Variants in AOC1 observed in about 807,000 individuals in gnomAD.
The protein encoded by AOC1 is amine oxidase copper containing 1.
Under a neutral mutation model 57.1 loss-of-function variants are expected in AOC1, and 58 were observed. The observed-to-expected ratio is 1.02, with a 90% CI of 0.82 to 1.26. The LOEUF (loss-of-function observed/expected upper bound fraction) is 1.26, where lower values mean the gene tolerates loss of function less well. Ranked by LOEUF, AOC1 falls within the 50% of genes most tolerant of loss-of-function variation. The pLI, the probability that AOC1 is intolerant of heterozygous loss-of-function variation, is 0.00. For missense variants in AOC1, 917 were observed against 1,005.3 expected (o/e 0.91, Z 1.19); for synonymous variants, 401 against 423.4 (o/e 0.95, Z 0.65).
In AOC1 at chr7:150,857,802, GC is replaced by G. The variant is rs759898286; in HGVS notation, c.1333del (p.Leu445Ter). ...AAGGTGGCTTCAACTTCTATGCGGG[GC>G]TGAAGGGCCAGGTGCTGGTGCTGCG... ...FKGGFNFYAG[L>X]KGQVLVLRTT... is the part of the protein sequence containing the mutation. On this transcript the variant is annotated frameshift_variant, in exon 2 of 5. Coordinates refer to ENST00000360937, the MANE Select transcript of AOC1 (RefSeq NM_001091.4). LOFTEE classifies it high-confidence loss of function. The surrounding 1 kb of genome is among the most constrained non-coding windows in gnomAD (Gnocchi z 6.6). 6.8e-6 allele frequency: 11 copies of G among 1,614,182 alleles called. No individual in the cohort carries two copies. The highest frequency in any genetic ancestry group is 8.5e-6 in the Non-Finnish European group (10 of 1,180,000).
Position 150,856,953 on chromosome 7 carries a change from C to T in AOC1, c.483C>T (p.Pro161=), listed in dbSNP as rs1445443935. The change falls in exon 2 of 5, where the codon CCC becomes CCT. Residue 161 remains proline, a synonymous_variant. Coordinates refer to ENST00000360937, the MANE Select transcript of AOC1 (RefSeq NM_001091.4). The surrounding 1 kb of genome is among the most constrained non-coding windows in gnomAD (Gnocchi z 5.2). The stretch of plus-strand genomic sequence containing the variant: ...ACACCCTGCAGGAAGCCACCAAGCC[C>T]CTGCATCAGTTCTTCCTCAATACCA... ...LYHTLQEATK[P]LHQFFLNTTG... 9.9e-6 allele frequency: 16 copies of T among 1,614,060 alleles called. No individual in the cohort carries two copies. Among genetic ancestry groups the T allele is most frequent in the Admixed American group, 1.7e-5 (1 of 60,000 alleles).
chr7:150,853,886 G>C (rs1009618237), intron 1 of AOC1: 2 of 151,938 alleles, frequency 1.3e-5, no homozygotes, highest in Non-Finnish European at 2.9e-5. Flanking sequence ...GCCGGGCATG[G>C]TGGTGCACAC....
Sources: gnomAD v4.1 joint callset for allele counts on GRCh38, gnomAD v4.1.1 for gene constraint, Gnocchi (gnomAD v3.1) non-coding constraint, MANE v1.5 for transcripts, NCBI Gene and HGNC (gene_info 2026-07-23, HGNC 2026-07-21) for gene names.